MTMR4: variants seen among roughly 807,000 people sequenced by gnomAD.
MTMR4 encodes myotubularin related protein 4, also known as phosphatidylinositol-3,5-bisphosphate 3-phosphatase MTMR4.
MTMR4 carries 30 observed loss-of-function variants against 125.5 expected under a neutral mutation model. The ratio of observed to expected loss-of-function variants is 0.24; its 90% CI spans 0.18 to 0.32. The LOEUF (loss-of-function observed/expected upper bound fraction) is 0.32. Among genes scored for constraint, MTMR4 ranks in the 10% least tolerant of loss-of-function variants. The pLI is 1.00. For synonymous variants in MTMR4, 498 were observed against 564.5 expected, an observed-to-expected ratio of 0.88 and a Z score of 1.67; for missense variants, 1,039 against 1,511.5, an observed-to-expected ratio of 0.69 and a Z score of 5.18.
At chr17:58,499,738 T>A (rs1420876836) in intron 14 of MTMR4, among the ~76,000 whole-genome samples, 1 of 151,040 alleles carries the variant, frequency 6.6e-6, no homozygotes, top group Non-Finnish European at 1.5e-5. Flanking sequence ...TTCTCCTGCC[T>A]CAGCCTCCAG....
chr17:58,491,791 T>C lies in MTMR4; in HGVS notation c.3502A>G (p.Ile1168Val). The C allele has an allele frequency of 6.2e-7, 1 of 1,614,020 alleles. No individual in the cohort carries two copies. The highest frequency in any genetic ancestry group is 8.5e-7 in the Non-Finnish European group (1 of 1,179,902). Residue 1168 changes from isoleucine to valine, a missense_variant, in exon 18 of 18, where the codon ATT becomes GTT. Around this residue, in one of 6 missense-constraint regions of MTMR4, gnomAD observed 60 missense variants for 129.6 expected, o/e 0.46. Transcript: ENST00000682306. ...GGGTCATAGAGTTGCTGATCAGGAA[T>C]GGGCAGCTTCAGGTGGCAGCATCCA... is the stretch of plus-strand genomic sequence containing the variant. ...CAGCCHLKLP[I>V]PDQQLYDPVL...
Position 58,508,085 on chromosome 17 carries a change from C to A in MTMR4, c.707+76G>T. The A allele has an allele frequency of 9.0e-7, 1 of 1,112,846 alleles. No individual in the cohort carries two copies. Among genetic ancestry groups the A allele is most frequent in the Non-Finnish European group, 1.4e-6 (1 of 739,810 alleles). 68.9% of individuals were successfully genotyped at this position (1,112,846 alleles called of 1,614,324 possible). A position where few individuals can be genotyped will look rare whatever the true frequency, so the allele number is the denominator to read the frequency against. On this transcript the variant is annotated intron_variant, in intron 7 of 17. Transcript: ENST00000682306. The surrounding 1 kb of genome is among the most constrained non-coding windows in gnomAD (Gnocchi z 4.8). The stretch of plus-strand genomic sequence containing the variant: ...TGTCAATTCTCAGTCAACCAGGTTA[C>A]CCAAAATCTCCAATTTTGACTCTTT...
Position 58,512,577 on chromosome 17 carries a change from C to A in MTMR4, c.136-71G>T. ...CTTATCCTCTTCTACAGCCCCTGAT[C>A]TGTGGGATCCCCTCTGGAAAAGGTG... On this transcript the variant is annotated intron_variant, in intron 2 of 17. Coordinates refer to ENST00000682306, the MANE Select transcript of MTMR4 (RefSeq NM_001378067.1). This position sits in a 1 kb window ranked among gnomAD's most constrained non-coding sequence, Gnocchi z 4.1. 7.9e-7 allele frequency: 1 copy of A among 1,265,346 alleles called. No individual in the cohort carries two copies. The highest frequency in any genetic ancestry group is 1.2e-5 in the South Asian group (1 of 83,348). The allele number at this position is 1,265,346 out of a possible 1,614,324, so 78.4% of individuals were successfully genotyped here.
rs1306017836 is a variant in MTMR4, at chr17:58,508,082, T to C, written c.707+79A>G. ...GAGTGTCAATTCTCAGTCAACCAGG[T>C]TACCCAAAATCTCCAATTTTGACTC... On this transcript the variant is annotated intron_variant, in intron 7 of 17. Coordinates refer to ENST00000682306, the MANE Select transcript of MTMR4 (RefSeq NM_001378067.1). This position sits in a 1 kb window ranked among gnomAD's most constrained non-coding sequence, Gnocchi z 4.8. The C allele has an allele frequency of 1.9e-6, 2 of 1,055,580 alleles. No individual in the cohort carries two copies. Among genetic ancestry groups the C allele is most frequent in the Non-Finnish European group, 2.9e-6 (2 of 690,468 alleles). 65.4% of individuals were successfully genotyped at this position (1,055,580 alleles called of 1,614,324 possible). A position where few individuals can be genotyped will look rare whatever the true frequency, so the allele number is the denominator to read the frequency against.
At position 58,495,356 on chromosome 17, in the gene MTMR4, G is replaced by A. The variant is rs1429745001; in HGVS notation, c.2828C>T (p.Ser943Phe). 4 of 1,614,242 alleles carry A rather than the reference G, an allele frequency of 2.5e-6. No individual in the cohort carries two copies. The East Asian group carries it at 6.7e-5, about 27-fold the overall frequency. The change falls in exon 15 of 18, where the codon TCC becomes TTC. Residue 943 changes from serine to phenylalanine, a missense_variant. Ser to Phe is a radical substitution (Grantham distance 155). Coordinates refer to ENST00000682306, the MANE Select transcript of MTMR4 (RefSeq NM_001378067.1). ...SGEATPRRLL[S>F]YGCCSKRPNS... is the part of the protein sequence containing the mutation. ...TGGCCTCTTGCTACAACAGCCATAG[G>A]AAAGCAGCCGCCGAGGGGTGGCCTC...
At chr17:58,514,740 C>G (rs1976039262), upstream of MTMR4, 1 of 911,934 alleles carries the variant, frequency 1.1e-6, no homozygotes, top group South Asian at 5.0e-5. Context: ...TCCCTCCCCG[C>G]GGACCCTGGG....
Position 58,491,599 on chromosome 17 carries a change from A to G in MTMR4, c.*64T>C, listed in dbSNP as rs1362696800. On this transcript the variant is annotated 3_prime_UTR_variant, in exon 18 of 18. Transcript: ENST00000682306. ...ATGAGCCACACCAAGGAACCTTCCA[A>G]ACTACAACTGAAGAAGATCCTCCCT... The G allele has an allele frequency of 4.6e-6, 7 of 1,523,728 alleles. No individual in the cohort carries two copies. Among genetic ancestry groups the G allele is most frequent in the East Asian group, 2.3e-5 (1 of 43,704 alleles). 94.4% of individuals were successfully genotyped at this position (1,523,728 alleles called of 1,614,324 possible). A position where few individuals can be genotyped will look rare whatever the true frequency, so the allele number is the denominator to read the frequency against.
At chr17:58,506,149 T>C (rs770024471) in intron 9 of MTMR4, among the ~76,000 whole-genome samples, 10 of 152,226 alleles carry the variant, frequency 6.6e-5, no homozygotes, top group Non-Finnish European at 1.3e-4. Context: ...TCTCAATAAA[T>C]AGTAGCTGCT....
At chr17:58,494,616 C>T (rs1309092715) in intron 15 of MTMR4, among the ~76,000 whole-genome samples, 2 of 152,142 alleles carry the variant, frequency 1.3e-5, no homozygotes, top group African/African-American at 2.4e-5. Context: ...ATTGCCACTA[C>T]GCTTCTGCAA....
chr17:58,513,256 CTCTT>C (rs1228569295), intron 1 of MTMR4, among the ~76,000 whole-genome samples: 1 of 152,180 alleles, frequency 6.6e-6, no homozygotes, highest in African/African-American at 2.4e-5. Flanking sequence ...AAAAGAAAGA[CTCTT>C]TCCCTTAGAC....
Position 58,514,596 on chromosome 17 carries a change from CG to C in MTMR4, c.-190del. On this transcript the variant is annotated 5_prime_UTR_variant, in exon 1 of 18. Coordinates refer to ENST00000682306, the MANE Select transcript of MTMR4 (RefSeq NM_001378067.1). ...CTCTCCCCTCCTCTCCACAATGGAG[CG>C]GGCCCAGCTCCGCCCTCCCGCACGA... The C allele has an allele frequency of 3.0e-6, 3 of 985,238 alleles. No homozygotes were observed. The highest frequency in any genetic ancestry group is 3.6e-6 in the Non-Finnish European group (3 of 829,878). The allele number at this position is 985,238 out of a possible 1,614,324, so 61.0% of individuals were successfully genotyped here.
intron 9 of MTMR4, 114 bp downstream of exon 9, chr17:58,506,629 T>C: frequency 7.2e-7 from 1 of 1,392,664 alleles, no homozygotes; most frequent in Non-Finnish European, 9.7e-7. Flanking sequence ...AAAGTTGTGA[T>C]TACAAGCCAG....
rs1975944140 is a variant in MTMR4, at chr17:58,512,012, A to C, written c.252+378T>G. 6.6e-6 allele frequency among the ~76,000 whole-genome samples: 1 copy of C among 151,800 alleles called. No homozygotes were observed. The highest frequency in any genetic ancestry group is 2.4e-5 in the African/African-American group (1 of 41,296). On this transcript the variant is annotated intron_variant, in intron 3 of 17. Transcript: ENST00000682306. This position sits in a 1 kb window ranked among gnomAD's most constrained non-coding sequence, Gnocchi z 4.1. ...TTTTTTTTTTATTTTTTTGAGAGGTAGTCTCACCCTGTCACCCAAGCTGGA... is the reference window on the plus strand; with the variant it reads ...TTTTTTTTTTATTTTTTTGAGAGGTCGTCTCACCCTGTCACCCAAGCTGGA...
upstream of MTMR4, chr17:58,516,719 TA>T: frequency 9.6e-7 from 1 of 1,042,966 alleles, no homozygotes; most frequent in Admixed American, 1.8e-5. Flanking sequence ...CTACAACTCT[TA>T]TTCTTCTCCC....
At chr17:58,518,752 G>A, upstream of MTMR4, among the ~76,000 whole-genome samples, 1 of 152,166 alleles carries the variant, frequency 6.6e-6, no homozygotes, top group Non-Finnish European at 1.5e-5. Flanking sequence ...CCACAAGACG[G>A]AGGGTGGCCG....
intron 9 of MTMR4, 147 bp downstream of exon 9, chr17:58,506,596 C>G (rs986852901): frequency 1.0e-6 from 1 of 978,750 alleles, no homozygotes; most frequent in African/African-American, 1.6e-5. Flanking sequence ...TCAGCATAGT[C>G]ATAGCCATAG....
rs1975727017 is a variant in MTMR4, at chr17:58,504,575, T to C, written c.1342-87A>G. ...CTGGGAACTGCCCAAAGCAGGAAGC[T>C]GGCAGCTTCAAAGAAAAATAGGACT... On this transcript the variant is annotated intron_variant, in intron 11 of 17. Coordinates refer to ENST00000682306, the MANE Select transcript of MTMR4 (RefSeq NM_001378067.1). The surrounding 1 kb of genome is among the most constrained non-coding windows in gnomAD (Gnocchi z 7.1). 6.8e-7 allele frequency: 1 copy of C among 1,480,872 alleles called. No homozygotes were observed. Among genetic ancestry groups the C allele is most frequent in the Admixed American group, 2.2e-5 (1 of 45,574 alleles). The allele number at this position is 1,480,872 out of a possible 1,614,324, so 91.7% of individuals were successfully genotyped here.
Position 58,496,045 on chromosome 17 carries a change from A to G in MTMR4, c.2139T>C (p.Ser713=), listed in dbSNP as rs774534124. Residue 713 remains serine (S), a synonymous_variant, in exon 15 of 18, where the codon TCT becomes TCC. Coordinates refer to ENST00000682306, the MANE Select transcript of MTMR4 (RefSeq NM_001378067.1). ...NKPFKSHKSC[S]PSYKLLNTAV... ...CGGTATTAAGCAGTTTGTAACTTGG[A>G]GAACAGCTTTTGTGACTCTTGAAAG... The G allele has an allele frequency of 6.2e-6, 10 of 1,614,176 alleles. 1 individual carries two copies. Among genetic ancestry groups the G allele is most frequent in the Non-Finnish European group, 6.8e-6 (8 of 1,180,028 alleles).
intron 14 of MTMR4, among the ~76,000 whole-genome samples, chr17:58,502,503 G>A (rs1387406325): frequency 1.5e-5 from 2 of 132,596 alleles, no homozygotes; most frequent in Admixed American, 8.1e-5. Context: ...AGGATGTAAA[G>A]CACTCCCTGT....
Sources: gnomAD v4.1 joint callset for allele counts (sites outside exome capture counted in the v4.1 genomes callset) on GRCh38, gnomAD v4.1.1 for gene constraint, gnomAD v4.1.1 regional missense constraint, Gnocchi (gnomAD v3.1) non-coding constraint, MANE v1.5 for transcripts, NCBI Gene and HGNC (gene_info 2026-07-23, HGNC 2026-07-21) for gene names.